GRM4: variants seen among roughly 807,000 people sequenced by gnomAD.
GRM4 encodes glutamate metabotropic receptor 4.
A neutral mutation model predicts 81.7 loss-of-function variants in GRM4; 28 were observed. The ratio of observed to expected loss-of-function variants is 0.34; its 90% CI spans 0.25 to 0.47. The LOEUF is 0.47. Ranked by LOEUF, GRM4 falls within the 20% of genes least tolerant of loss-of-function variation. The pLI is 1.00. For missense variants in GRM4, 948 were observed against 1,290.0 expected, an observed-to-expected ratio of 0.73 and a Z score of 4.06; for synonymous variants, 488 against 528.8, an observed-to-expected ratio of 0.92 and a Z score of 1.06.
intron 3 of GRM4, chr6:34,062,310 T>C (rs1276326585): frequency 5.6e-6 from 2 of 358,514 alleles, no homozygotes; most frequent in African/African-American, 4.1e-5. Flanking sequence ...GGCATCATGC[T>C]TAGGAGCTAG....
chr6:34,138,364 G>T (rs2127514790), intron 1 of GRM4, among the ~76,000 whole-genome samples: 1 of 152,272 alleles, frequency 6.6e-6, no homozygotes, highest in Admixed American at 6.5e-5. Flanking sequence ...ATTCACCTTT[G>T]TCTCTGCAGG....
intron 3 of GRM4, among the ~76,000 whole-genome samples, chr6:34,081,084 G>T (rs1019547005): frequency 2.3e-4 from 35 of 152,148 alleles, no homozygotes; most frequent in Admixed American, 6.5e-4. Context: ...CCAGATGAAG[G>T]GAACCAAATT....
At position 34,059,204 on chromosome 6, in the gene GRM4, T is replaced by C. The variant is rs1415019190; in HGVS notation, c.873-76A>G. On this transcript the variant is annotated intron_variant, in intron 4 of 10. Transcript: ENST00000538487. This position sits in a 1 kb window ranked among gnomAD's most constrained non-coding sequence, Gnocchi z 5.7. Reference sequence around the variant, plus strand: ...CCCCCACTCCTGGCCACACTTGCTTTGGGCCCACGTCCCTCACCCCCAGAA... The same window carrying C: ...CCCCCACTCCTGGCCACACTTGCTTCGGGCCCACGTCCCTCACCCCCAGAA... 4.4e-6 allele frequency: 6 copies of C among 1,365,204 alleles called. No individual in the cohort carries two copies. Among genetic ancestry groups the C allele is most frequent in the Non-Finnish European group, 6.2e-6 (6 of 972,010 alleles). The allele number at this position is 1,365,204 out of a possible 1,614,324, so 84.6% of individuals were successfully genotyped here. A position where few individuals can be genotyped will look rare whatever the true frequency, so the allele number is the denominator to read the frequency against.
intron 3 of GRM4, among the ~76,000 whole-genome samples, chr6:34,071,991 C>CAAAAATA (rs1766911878): frequency 7.2e-4 from 1 of 1,380 alleles, no homozygotes. Flanking sequence ...CCACACATCA[C>CAAAAATA]CACAAAAATA....
Position 34,034,991 on chromosome 6 carries a change from C to T in GRM4, c.2442+677G>A, listed in dbSNP as rs528637353. 2.4e-4 allele frequency among the ~76,000 whole-genome samples: 37 copies of T among 152,326 alleles called. No individual in the cohort carries two copies. Among genetic ancestry groups the T allele is most frequent in the African/African-American group, 6.5e-4 (27 of 41,572 alleles). On this transcript the variant is annotated intron_variant, in intron 9 of 10. Coordinates refer to ENST00000538487, the MANE Select transcript of GRM4 (RefSeq NM_000841.4). This position sits in a 1 kb window ranked among gnomAD's most constrained non-coding sequence, Gnocchi z 4.0. ...AGAGGTAGCCACTCTGCAACTCCAG[C>T]CAAGGGAAGGAAAGGCCCTCTGCCA...
rs1168528847 is a variant in GRM4, at chr6:34,130,661, T to C, written c.519+2317A>G. 6.6e-6 allele frequency among the ~76,000 whole-genome samples: 1 copy of C among 152,172 alleles called. No individual in the cohort carries two copies. The highest frequency in any genetic ancestry group is 2.4e-5 in the African/African-American group (1 of 41,452). On this transcript the variant is annotated intron_variant, in intron 2 of 10. Coordinates refer to ENST00000538487, the MANE Select transcript of GRM4 (RefSeq NM_000841.4). This position sits in a 1 kb window ranked among gnomAD's most constrained non-coding sequence, Gnocchi z 4.1. ...CCAAGAACACACTTTAAGACCTAAC[T>C]CTGAGTGACCATTCCTTGAGCCTTC...
chr6:34,040,171 C>CA lies in GRM4; in HGVS notation c.1506+6dup, dbSNP rs771467503. 1 of 1,613,456 alleles carries CA rather than the reference C, an allele frequency of 6.2e-7. No individual in the cohort carries two copies. On this transcript the variant is annotated splice_region_variant and intron_variant, in intron 8 of 10. Transcript: ENST00000538487. ...ACTCTCCACCCACTCCCTGCCCTCC[C>CA]ACTTACTCTAAGGTGCAGGTGGTCA... is the stretch of plus-strand genomic sequence containing the variant.
At position 34,056,560 on chromosome 6, in the gene GRM4, G is replaced by T; in HGVS notation, c.1152C>A (p.His384Gln). ...CGTGCTCACTGGTGCACTTCTTGAC[G>T]TGGCTGCCCTTCTTGAGGGCGTGGC... ...LSRHALKKGS[H>Q]VKKCTNRERI... The change falls in exon 6 of 11, where the codon CAC becomes CAA. Residue 384 changes from histidine to glutamine, a missense_variant. His to Gln is a conservative substitution (Grantham distance 24). Coordinates refer to ENST00000538487, the MANE Select transcript of GRM4 (RefSeq NM_000841.4). 1 of 1,613,044 alleles carries T rather than the reference G, an allele frequency of 6.2e-7. No individual in the cohort carries two copies.
At chr6:34,024,141 C>T (rs1764023521) in intron 10 of GRM4, 1 of 153,380 alleles carries the variant, frequency 6.5e-6, no homozygotes, top group African/African-American at 2.4e-5. Flanking sequence ...CCCCGATCCT[C>T]TCTCCCCTAT....
chr6:34,124,847 C>T (rs1369320147), intron 2 of GRM4, among the ~76,000 whole-genome samples: 2 of 152,130 alleles, frequency 1.3e-5, no homozygotes, highest in Non-Finnish European at 2.9e-5. Flanking sequence ...GGACCCCCCC[C>T]TAGACTCAGC....
rs1768286557 is a variant in GRM4 at position 34,092,443 on chromosome 6, G to A, written c.520-344C>T. On this transcript the variant is annotated intron_variant, in intron 2 of 10. Coordinates refer to ENST00000538487, the MANE Select transcript of GRM4 (RefSeq NM_000841.4). The surrounding 1 kb of genome is among the most constrained non-coding windows in gnomAD (Gnocchi z 6.8). The stretch of plus-strand genomic sequence containing the variant: ...CACATACGTGAGATGATTCAGCCTG[G>A]GGATGGGGTGGGATTTGGGTGTTGG... Among the ~76,000 whole-genome samples the A allele has an allele frequency of 6.6e-6, 1 of 152,186 alleles. No individual in the cohort carries two copies. Among genetic ancestry groups the A allele is most frequent in the African/African-American group, 2.4e-5 (1 of 41,436 alleles).
chr6:34,106,834 A>G (rs975391017), intron 2 of GRM4, among the ~76,000 whole-genome samples: 6 of 152,242 alleles, frequency 3.9e-5, no homozygotes, highest in Non-Finnish European at 8.8e-5. Flanking sequence ...ATAAATATTA[A>G]TGACAACTAC....
intron 9 of GRM4, among the ~76,000 whole-genome samples, chr6:34,030,829 G>A (rs975365718): frequency 3.9e-5 from 6 of 152,172 alleles, no homozygotes; most frequent in South Asian, 2.1e-4. Flanking sequence ...GCCTTTCTGC[G>A]AACAAAATTC....
intron 5 of GRM4, among the ~76,000 whole-genome samples, chr6:34,057,459 G>T (rs1405652554): frequency 6.6e-6 from 1 of 152,218 alleles, no homozygotes; most frequent in Non-Finnish European, 1.5e-5. Context: ...AGGAGGTTTG[G>T]CCTGCAGTAG....
chr6:34,045,018 TAC>T (rs1283791511), intron 6 of GRM4, among the ~76,000 whole-genome samples: 2 of 150,812 alleles, frequency 1.3e-5, no homozygotes, highest in Admixed American at 1.3e-4. Flanking sequence ...ACCACACAGA[TAC>T]ACACACACAC....
At chr6:34,076,358 G>A (rs1767313180) in intron 3 of GRM4, among the ~76,000 whole-genome samples, 1 of 152,170 alleles carries the variant, frequency 6.6e-6, no homozygotes. Flanking sequence ...TCCTCTTCAG[G>A]CCAGGCTAGG....
intron 10 of GRM4, among the ~76,000 whole-genome samples, chr6:34,026,486 C>T (rs966576867): frequency 6.6e-6 from 1 of 152,082 alleles, no homozygotes; most frequent in Non-Finnish European, 1.5e-5. Context: ...ACAGACCCCT[C>T]GGTCCCTCCC....
chr6:34,044,805 CAT>C (rs751321618), intron 6 of GRM4, among the ~76,000 whole-genome samples: 9 of 150,670 alleles, frequency 6.0e-5, no homozygotes, highest in African/African-American at 1.5e-4. Context: ...CATACATACA[CAT>C]ATATAGTCAC....
At chr6:34,154,626 C>CACACTCTTAG (rs1161758502) in intron 1 of GRM4, among the ~76,000 whole-genome samples, 1 of 151,322 alleles carries the variant, frequency 6.6e-6, no homozygotes, top group African/African-American at 2.4e-5. Context: ...CACACACACA[C>CACACTCTTAG]ACTCTTAGAC....
Sources: allele counts gnomAD v4.1 joint callset (sites outside exome capture counted in the v4.1 genomes callset), GRCh38; gene constraint gnomAD v4.1.1; non-coding constraint Gnocchi (gnomAD v3.1); transcripts MANE v1.5; gene names NCBI Gene and HGNC (gene_info 2026-07-23, HGNC 2026-07-21).